Variants in MYO1D observed in about 807,000 individuals in gnomAD.
MYO1D encodes the protein myosin ID.
A neutral mutation model predicts 122.0 loss-of-function variants in MYO1D; 83 were observed. The ratio of observed to expected loss-of-function variants is 0.68; its 90% confidence interval spans 0.57 to 0.82. The LOEUF (loss-of-function observed/expected upper bound fraction) is 0.82, where lower values mean the gene tolerates loss of function less well. Ranked by LOEUF, MYO1D falls within the 40% of genes least tolerant of loss-of-function variation. The pLI is 0.00. For synonymous variants in MYO1D, 464 were observed against 446.9 expected (o/e 1.04, Z -0.48); for missense variants, 1,157 against 1,269.5 (o/e 0.91, Z 1.35).
At chr17:32,872,757 C>T (rs540869708) in intron 1 of MYO1D, among the ~76,000 whole-genome samples, 16 of 149,250 alleles carry the variant, frequency 1.1e-4, no homozygotes, top group African/African-American at 3.5e-4. Context: ...ACTGCAGTGG[C>T]GCAATCTCGG....
intron 21 of MYO1D, among the ~76,000 whole-genome samples, chr17:32,600,900 C>T (rs1415249852): frequency 6.6e-6 from 1 of 151,622 alleles, no homozygotes; most frequent in East Asian, 1.9e-4. Flanking sequence ...CCTATCTCAG[C>T]TTTCAACCTG....
At chr17:32,599,415 T>A (rs1416891157) in intron 21 of MYO1D, among the ~76,000 whole-genome samples, 1 of 152,206 alleles carries the variant, frequency 6.6e-6, no homozygotes, top group East Asian at 1.9e-4. Flanking sequence ...TTCTACCACA[T>A]CTGCAATAAC....
chr17:32,786,511 A>G (rs1017804988), intron 1 of MYO1D, among the ~76,000 whole-genome samples: 1 of 152,174 alleles, frequency 6.6e-6, no homozygotes, highest in African/African-American at 2.4e-5. Flanking sequence ...AGAATGAACC[A>G]TACCTACTCA....
chr17:32,706,485 T>C (rs1343341647), intron 16 of MYO1D, among the ~76,000 whole-genome samples: 1 of 152,126 alleles, frequency 6.6e-6, no homozygotes, highest in Non-Finnish European at 1.5e-5. Context: ...TCTATTATGC[T>C]GTACTATAAC....
At position 32,833,485 on chromosome 17, in the gene MYO1D, A is replaced by C. The variant is rs573588125; in HGVS notation, c.95+43293T>G. ...TAGCCAAATGGTTCCCCTTCAATTT[A>C]TTCTTAAAACAGCAGCCGGAGTAAT... On this transcript the variant is annotated intron_variant, in intron 1 of 21. Transcript: ENST00000318217. Among the ~76,000 whole-genome samples the C allele has an allele frequency of 3.3e-5, 5 of 152,274 alleles. No individual in the cohort carries two copies. In the East Asian group the frequency reaches 9.6e-4, roughly 29 times the overall value.
At chr17:32,725,259 C>G (rs1352756965) in intron 14 of MYO1D, among the ~76,000 whole-genome samples, 4 of 152,154 alleles carry the variant, frequency 2.6e-5, no homozygotes, top group African/African-American at 9.7e-5. Context: ...TGGCTCATGC[C>G]TGTAATCCCA....
chr17:32,735,158 T>C (rs1413113992), intron 14 of MYO1D, among the ~76,000 whole-genome samples: 2 of 151,722 alleles, frequency 1.3e-5, no homozygotes, highest in Non-Finnish European at 2.9e-5. Flanking sequence ...ATCTATTATG[T>C]GGTCAATTCT....
At chr17:32,661,529 C>A (rs2088565036) in intron 16 of MYO1D, among the ~76,000 whole-genome samples, 1 of 152,000 alleles carries the variant, frequency 6.6e-6, no homozygotes, top group South Asian at 2.1e-4. Context: ...GTGGTGTGCA[C>A]CTGTAGTCCC....
At chr17:32,632,584 T>TAC (rs1417753749) in intron 20 of MYO1D, 244 of 98,564 alleles carry the variant, frequency 2.5e-3, no homozygotes, top group Middle Eastern at 0.011. Context: ...TATATATATA[T>TAC]ATACACACAC....
At chr17:32,746,502 T>C (rs2089839677) in intron 12 of MYO1D, among the ~76,000 whole-genome samples, 1 of 152,216 alleles carries the variant, frequency 6.6e-6, no homozygotes, top group Non-Finnish European at 1.5e-5. Flanking sequence ...GAGTAATTGC[T>C]ATTACTCATA....
intron 1 of MYO1D, among the ~76,000 whole-genome samples, chr17:32,795,413 ATT>A (rs771532183): frequency 4.8e-5 from 7 of 144,718 alleles, no homozygotes; most frequent in African/African-American, 1.0e-4. Flanking sequence ...TTCTATTTAA[ATT>A]TTTTTTTTTT....
In MYO1D at chr17:32,561,477, CAGG is replaced by C. The variant is rs1397763960; in HGVS notation, c.2864+43607_2864+43609del. Among the ~76,000 whole-genome samples, 16 of 151,768 alleles carry C rather than the reference CAGG, an allele frequency of 1.1e-4. 1 individual carries two copies. The highest frequency in any genetic ancestry group is 1.1e-3 in the Admixed American group (16 of 15,238). On this transcript the variant is annotated intron_variant, in intron 21 of 21. Transcript: ENST00000318217. Reference sequence around the variant, plus strand: ...GGCCAAGGCAGGCGGATCATGAGGTCAGGAGATCAAGAACATCCTGGCCAACAT... The same window carrying C: ...GGCCAAGGCAGGCGGATCATGAGGTCAGATCAAGAACATCCTGGCCAACAT...
intron 21 of MYO1D, among the ~76,000 whole-genome samples, chr17:32,506,662 C>T (rs754047612): frequency 6.6e-6 from 1 of 152,154 alleles, no homozygotes. Context: ...ATGTGCAAAC[C>T]TCTGGCTAAA....
At chr17:32,642,139 T>G (rs888910474) in intron 19 of MYO1D, among the ~76,000 whole-genome samples, 2 of 152,374 alleles carry the variant, frequency 1.3e-5, no homozygotes, top group Non-Finnish European at 2.9e-5. Context: ...AGTTTCAGCT[T>G]TCTACATATG....
intron 1 of MYO1D, among the ~76,000 whole-genome samples, chr17:32,784,749 T>G (rs1036411128): frequency 1.7e-4 from 26 of 151,988 alleles, no homozygotes; most frequent in African/African-American, 6.3e-4. Context: ...TAGTAGGAAG[T>G]CAAGATGAGA....
At chr17:32,724,282 T>C (rs1459101416) in intron 14 of MYO1D, among the ~76,000 whole-genome samples, 1 of 152,148 alleles carries the variant, frequency 6.6e-6, no homozygotes, top group Non-Finnish European at 1.5e-5. Flanking sequence ...GAATAAGCAT[T>C]GTACAAAATC....
intron 2 of MYO1D, among the ~76,000 whole-genome samples, chr17:32,779,981 T>A (rs968682023): frequency 4.6e-5 from 7 of 152,200 alleles, no homozygotes; most frequent in African/African-American, 1.7e-4. Flanking sequence ...CAGATATTTT[T>A]CCTGTCCCCA....
At chr17:32,750,687 A>G (rs2089890114) in intron 11 of MYO1D, among the ~76,000 whole-genome samples, 1 of 152,202 alleles carries the variant, frequency 6.6e-6, no homozygotes, top group Admixed American at 6.5e-5. Context: ...CTAATGTTCG[A>G]TAACAAATAA....
chr17:32,781,155 TAGTC>T (rs1191672173), intron 1 of MYO1D, among the ~76,000 whole-genome samples: 1 of 152,210 alleles, frequency 6.6e-6, no homozygotes, highest in Non-Finnish European at 1.5e-5. Flanking sequence ...GAAATCCACT[TAGTC>T]AGATTTTCAA....
Sources: allele counts gnomAD v4.1 joint callset (sites outside exome capture counted in the v4.1 genomes callset), GRCh38; gene constraint gnomAD v4.1.1; transcripts MANE v1.5; gene names NCBI Gene and HGNC (gene_info 2026-07-23, HGNC 2026-07-21).